The following LYRM4 variants were observed in gnomAD, a reference collection of about 807,000 sequenced individuals.
The protein encoded by LYRM4 is LYR motif containing 4.
A neutral mutation model predicts 11.7 loss-of-function variants in LYRM4; 9 were observed. That is an observed-to-expected ratio of 0.77 (90% CI 0.46 to 1.34). LYRM4 has a LOEUF of 1.34. Ranked by LOEUF, LYRM4 falls within the 40% of genes most tolerant of loss-of-function variation. LYRM4 has a pLI of 0.00. For synonymous variants in LYRM4, 42 were observed against 40.4 expected (o/e 1.04, Z -0.15); for missense variants, 133 against 112.5 (o/e 1.18, Z -0.82).
intron 2 of LYRM4, among the ~76,000 whole-genome samples, chr6:5,195,356 A>C (rs1760989844): frequency 6.6e-6 from 1 of 152,148 alleles, no homozygotes; most frequent in African/African-American, 2.4e-5. Flanking sequence ...CACGCCTATA[A>C]TCTCAGCACT....
chr6:5,091,370 T>C, the LYRM4 span, among the ~76,000 whole-genome samples: 2 of 152,236 alleles, frequency 1.3e-5, no homozygotes, highest in Non-Finnish European at 2.9e-5. Flanking sequence ...CCTTCCACCT[T>C]GTGAACTGTT....
chr6:5,208,051 C>A (rs1761795888), intron 2 of LYRM4, among the ~76,000 whole-genome samples: 1 of 152,126 alleles, frequency 6.6e-6, no homozygotes, highest in Non-Finnish European at 1.5e-5. Context: ...ATTACCCCAG[C>A]ATGTCAGGTC....
At chr6:5,069,475 TA>T in the LYRM4 span, among the ~76,000 whole-genome samples, 2 of 149,490 alleles carry the variant, frequency 1.3e-5, no homozygotes, top group Non-Finnish European at 3.0e-5. Context: ...TATATTTATA[TA>T]TATATATTTT....
At chr6:5,043,830 G>A in the LYRM4 span, among the ~76,000 whole-genome samples, 6 of 152,116 alleles carry the variant, frequency 3.9e-5, no homozygotes, top group Non-Finnish European at 7.3e-5. Context: ...CCCAAAGTCA[G>A]GTACCAGACA....
At chr6:5,241,091 A>C (rs34440991) in intron 1 of LYRM4, among the ~76,000 whole-genome samples, 7,215 of 152,254 alleles carry the variant, frequency 0.047, 556 homozygotes, top group African/African-American at 0.16. Flanking sequence ...AAATGGGGGA[A>C]ATTAAAAGTG....
At chr6:5,230,768 C>A (rs565837096) in intron 1 of LYRM4, among the ~76,000 whole-genome samples, 1 of 152,228 alleles carries the variant, frequency 6.6e-6, no homozygotes, top group South Asian at 2.1e-4. Flanking sequence ...TTCACTTTAT[C>A]CTTTCCAACA....
chr6:5,157,842 A>G (rs374029342), intron 2 of LYRM4, among the ~76,000 whole-genome samples: 1 of 152,240 alleles, frequency 6.6e-6, no homozygotes, highest in Non-Finnish European at 1.5e-5. Flanking sequence ...GTAGGGTAAC[A>G]TGAATTGGAT....
At chr6:5,201,421 G>T (rs1236223927) in intron 2 of LYRM4, among the ~76,000 whole-genome samples, 1 of 152,140 alleles carries the variant, frequency 6.6e-6, no homozygotes, top group Non-Finnish European at 1.5e-5. Flanking sequence ...AACTGGCAAG[G>T]GGTAAAGGGG....
chr6:5,108,807 C>A lies in LYRM4; in HGVS notation c.*616G>T, dbSNP rs984158362. 26 of 985,896 alleles carry A rather than the reference C, an allele frequency of 2.6e-5. No homozygotes were observed. Among genetic ancestry groups the A allele is most frequent in the Non-Finnish European group, 3.1e-5 (26 of 830,100 alleles). 61.1% of individuals were successfully genotyped at this position (985,896 alleles called of 1,614,324 possible). A position where few individuals can be genotyped will look rare whatever the true frequency, so the allele number is the denominator to read the frequency against. ...CTGAGGTTGCTGATCTGCAGTGCTC[C>A]ATCTCTGGGTGTGTACCTACACACC... is the stretch of plus-strand genomic sequence containing the variant. On this transcript the variant is annotated 3_prime_UTR_variant, in exon 3 of 3. Coordinates refer to ENST00000330636, the MANE Select transcript of LYRM4 (RefSeq NM_020408.6).
chr6:5,223,213 C>G lies in LYRM4; in HGVS notation c.87-6475G>C, dbSNP rs533679833. Among the ~76,000 whole-genome samples the G allele has an allele frequency of 4.6e-5, 7 of 152,292 alleles. No homozygotes were observed. The South Asian group carries it at 1.5e-3, about 32-fold the overall frequency. ...CCTCAGATACCTATTTTCAAATCTTCAAAGAAAAGGGCTGCTTTCCACAGT... is the reference window on the plus strand; with the variant it reads ...CCTCAGATACCTATTTTCAAATCTTGAAAGAAAAGGGCTGCTTTCCACAGT... On this transcript the variant is annotated intron_variant, in intron 1 of 2. Coordinates refer to ENST00000330636, the MANE Select transcript of LYRM4 (RefSeq NM_020408.6).
chr6:5,112,791 G>T (rs1762942808), intron 2 of LYRM4, among the ~76,000 whole-genome samples: 1 of 152,216 alleles, frequency 6.6e-6, no homozygotes, highest in African/African-American at 2.4e-5. Context: ...ACAGCCTCAA[G>T]GGAGGAAGAG....
At chr6:5,117,697 T>G (rs1763186127) in intron 2 of LYRM4, among the ~76,000 whole-genome samples, 1 of 152,104 alleles carries the variant, frequency 6.6e-6, no homozygotes, top group South Asian at 2.1e-4. Flanking sequence ...TGTATACAAA[T>G]GTTTTCCCTG....
chr6:5,085,465 A>G, the LYRM4 span: 1 of 1,511,284 alleles, frequency 6.6e-7, no homozygotes. Flanking sequence ...GGCCCGAGCA[A>G]GTCCAGGGGC....
At chr6:5,044,012 G>A in the LYRM4 span, among the ~76,000 whole-genome samples, 3 of 152,174 alleles carry the variant, frequency 2.0e-5, no homozygotes, top group Non-Finnish European at 1.5e-5. Context: ...CTGTGGTGTG[G>A]TGCACACCTT....
intron 2 of LYRM4, among the ~76,000 whole-genome samples, chr6:5,169,664 T>G (rs1247900507): frequency 6.6e-6 from 1 of 152,248 alleles, no homozygotes; most frequent in Non-Finnish European, 1.5e-5. Context: ...TAAAACTTCT[T>G]TTTCAACTTT....
intron 2 of LYRM4, among the ~76,000 whole-genome samples, chr6:5,181,300 G>A (rs1300460982): frequency 2.0e-5 from 3 of 152,064 alleles, no homozygotes; most frequent in African/African-American, 7.2e-5. Context: ...TTTCTTCCAC[G>A]ATGTATCGAG....
At chr6:5,119,842 A>G (rs1042802768) in intron 2 of LYRM4, among the ~76,000 whole-genome samples, 1 of 150,114 alleles carries the variant, frequency 6.7e-6, no homozygotes, top group Non-Finnish European at 1.5e-5. Context: ...AAGGCCCACC[A>G]TGTGATGGTC....
chr6:5,148,662 CCTCTCTCTCT>C (rs61670380), intron 2 of LYRM4, among the ~76,000 whole-genome samples: 1 of 150,664 alleles, frequency 6.6e-6, no homozygotes, highest in East Asian at 2.0e-4. Flanking sequence ...CACACACACA[CCTCTCTCTCT>C]CTCTCTCTCT....
At chr6:5,098,053 G>C in the LYRM4 span, among the ~76,000 whole-genome samples, 2 of 152,104 alleles carry the variant, frequency 1.3e-5, no homozygotes. Context: ...GAACTCCTGG[G>C]ACAGGCAGAG....
Sources: gnomAD v4.1 joint callset for allele counts (sites outside exome capture counted in the v4.1 genomes callset) on GRCh38, gnomAD v4.1.1 for gene constraint, MANE v1.5 for transcripts, NCBI Gene and HGNC (gene_info 2026-07-23, HGNC 2026-07-21) for gene names.